SUPT3H: variants seen among roughly 807,000 people sequenced by gnomAD.
SUPT3H encodes the protein SPT3 homolog, SAGA and STAGA complex component.
Under a neutral mutation model 44.3 loss-of-function variants are expected in SUPT3H, and 44 were observed. The observed-to-expected ratio is 0.99, with a 90% CI of 0.78 to 1.28. The LOEUF (loss-of-function observed/expected upper bound fraction) is 1.28. Among genes scored for constraint, SUPT3H ranks in the 50% most tolerant of loss-of-function variants. The pLI is 0.00. For missense variants in SUPT3H, 380 were observed against 387.1 expected, an observed-to-expected ratio of 0.98 and a Z score of 0.15; for synonymous variants, 124 against 125.6, an observed-to-expected ratio of 0.99 and a Z score of 0.09.
intron 2 of SUPT3H, among the ~76,000 whole-genome samples, chr6:45,329,599 G>A (rs1247610594): frequency 1.3e-5 from 2 of 151,714 alleles, no homozygotes; most frequent in African/African-American, 4.8e-5. Flanking sequence ...TCACATTCTT[G>A]GACCTACCAA....
intron 4 of SUPT3H, among the ~76,000 whole-genome samples, chr6:45,018,646 C>G (rs1457570324): frequency 6.6e-6 from 1 of 151,892 alleles, no homozygotes; most frequent in Non-Finnish European, 1.5e-5. Flanking sequence ...TGCTGGATTA[C>G]ATTTATTGAT....
chr6:45,237,515 T>TG (rs1769407816), intron 2 of SUPT3H, among the ~76,000 whole-genome samples: 1 of 152,066 alleles, frequency 6.6e-6, no homozygotes, highest in African/African-American at 2.4e-5. Context: ...TTGCATGAAA[T>TG]GGGGTATGTC....
At chr6:44,823,605 A>C (rs1941401833), downstream of SUPT3H, among the ~76,000 whole-genome samples, 2 of 152,168 alleles carry the variant, frequency 1.3e-5, no homozygotes, top group South Asian at 2.1e-4. Context: ...CTGACTCCCT[A>C]GTTCTGGTAA....
At chr6:44,910,131 T>C (rs139918778) in intron 10 of SUPT3H, among the ~76,000 whole-genome samples, 1 of 152,310 alleles carries the variant, frequency 6.6e-6, no homozygotes, top group Non-Finnish European at 1.5e-5. Context: ...CCTGTAATCA[T>C]GCTCAACTCT....
chr6:45,263,716 G>C (rs1774779460), intron 2 of SUPT3H, among the ~76,000 whole-genome samples: 1 of 152,062 alleles, frequency 6.6e-6, no homozygotes, highest in African/African-American at 2.4e-5. Context: ...TGATGATAAA[G>C]GGAATGCCAT....
intron 2 of SUPT3H, among the ~76,000 whole-genome samples, chr6:45,175,589 A>C (rs1811621922): frequency 6.6e-6 from 1 of 152,114 alleles, no homozygotes; most frequent in Non-Finnish European, 1.5e-5. Context: ...TGGGTCTTTC[A>C]CCGATCTTCT....
At position 45,034,246 on chromosome 6, in the gene SUPT3H, A is replaced by C. The variant is rs1787359579; in HGVS notation, c.187-13614T>G. On this transcript the variant is annotated intron_variant, in intron 3 of 10. Coordinates refer to ENST00000371459, the MANE Select transcript of SUPT3H (RefSeq NM_003599.4). The stretch of plus-strand genomic sequence containing the variant: ...GTTACCTGAAGCTGGAGGCTAGAGA[A>C]GCCCACCTGATAGGGATACAACCAA... Among the ~76,000 whole-genome samples, 3 of 152,092 alleles carry C rather than the reference A, an allele frequency of 2.0e-5. No individual in the cohort carries two copies. In the South Asian group the frequency reaches 6.2e-4, roughly 32 times the overall value.
At chr6:45,216,364 TA>T (rs1015621419) in intron 2 of SUPT3H, among the ~76,000 whole-genome samples, 2 of 151,606 alleles carry the variant, frequency 1.3e-5, no homozygotes, top group African/African-American at 2.4e-5. Context: ...CACGAAACTG[TA>T]AAAAAAATTA....
At chr6:45,111,288 C>G (rs1325823908) in intron 2 of SUPT3H, among the ~76,000 whole-genome samples, 2 of 152,092 alleles carry the variant, frequency 1.3e-5, no homozygotes, top group Admixed American at 6.5e-5. Context: ...ACCTCAGCCT[C>G]CCAAAGTGCT....
intron 10 of SUPT3H, among the ~76,000 whole-genome samples, chr6:44,888,397 C>T (rs1250836904): frequency 2.0e-5 from 3 of 152,238 alleles, no homozygotes; most frequent in South Asian, 4.2e-4. Context: ...TCCAGCAGCA[C>T]ATCAAAAAGC....
intron 9 of SUPT3H, among the ~76,000 whole-genome samples, chr6:44,934,384 C>T (rs1771080276): frequency 6.6e-6 from 1 of 152,062 alleles, no homozygotes; most frequent in Admixed American, 6.5e-5. Context: ...ATAAATTATC[C>T]ATTCAAAGAA....
At chr6:45,285,347 C>T (rs35742914) in intron 2 of SUPT3H, among the ~76,000 whole-genome samples, 34,511 of 151,960 alleles carry the variant, frequency 0.23, 4,607 homozygotes, top group Non-Finnish European at 0.31. Flanking sequence ...GAAAACCCCA[C>T]CGTCTCAGCC....
intron 2 of SUPT3H, among the ~76,000 whole-genome samples, chr6:45,283,008 T>C (rs1203727496): frequency 6.6e-6 from 1 of 151,952 alleles, no homozygotes; most frequent in Non-Finnish European, 1.5e-5. Context: ...GAAGGAGAAA[T>C]AAAATACTTT....
chr6:45,257,834 C>T (rs546244105), intron 2 of SUPT3H, among the ~76,000 whole-genome samples: 6 of 152,112 alleles, frequency 3.9e-5, no homozygotes, highest in Non-Finnish European at 8.8e-5. Flanking sequence ...TCACTGGAGG[C>T]GATTGTGGCT....
intron 2 of SUPT3H, among the ~76,000 whole-genome samples, chr6:45,113,628 C>A (rs1000548123): frequency 6.6e-6 from 1 of 151,972 alleles, no homozygotes. Flanking sequence ...GAGTTCCAGA[C>A]CAGACTGGCC....
chr6:45,144,812 G>C lies in SUPT3H; in HGVS notation c.102-38806C>G, dbSNP rs144783989. Among the ~76,000 whole-genome samples, 3 of 152,062 alleles carry C rather than the reference G, an allele frequency of 2.0e-5. No individual in the cohort carries two copies. The East Asian group carries it at 5.8e-4, about 29-fold the overall frequency. On this transcript the variant is annotated intron_variant, in intron 2 of 10. Coordinates refer to ENST00000371459, the MANE Select transcript of SUPT3H (RefSeq NM_003599.4). ...TGATAAATGAATTCATTTGATAAATGAATTCAGTAGTTTCAGGATACAAAA... is the reference window on the plus strand; with the variant it reads ...TGATAAATGAATTCATTTGATAAATCAATTCAGTAGTTTCAGGATACAAAA...
chr6:45,313,518 C>G lies in SUPT3H; in HGVS notation c.101+51683G>C, dbSNP rs528805295. Among the ~76,000 whole-genome samples, 7 of 152,090 alleles carry G rather than the reference C, an allele frequency of 4.6e-5. No homozygotes were observed. The East Asian group carries it at 1.4e-3, about 29-fold the overall frequency. ...TTCGAGACTACTATGAACACCTTTA[C>G]ACACATAAACTAGAAAACCTAGAAC... On this transcript the variant is annotated intron_variant, in intron 2 of 10. Coordinates refer to ENST00000371459, the MANE Select transcript of SUPT3H (RefSeq NM_003599.4).
chr6:44,904,571 T>A (rs1319468332), intron 10 of SUPT3H, among the ~76,000 whole-genome samples: 2 of 152,140 alleles, frequency 1.3e-5, no homozygotes, highest in African/African-American at 4.8e-5. Flanking sequence ...GAAGAATCAA[T>A]ATCATGAAAA....
At chr6:45,374,259 A>C (rs1434200411) in intron 1 of SUPT3H, among the ~76,000 whole-genome samples, 1 of 152,236 alleles carries the variant, frequency 6.6e-6, no homozygotes, top group Non-Finnish European at 1.5e-5. Flanking sequence ...ATAACATCTC[A>C]GAACATTATT....
Sources: allele counts gnomAD v4.1 joint callset (sites outside exome capture counted in the v4.1 genomes callset), GRCh38; gene constraint gnomAD v4.1.1; transcripts MANE v1.5; gene names NCBI Gene and HGNC (gene_info 2026-07-23, HGNC 2026-07-21).